The following DUSP16 variants were observed in gnomAD, a reference collection of about 807,000 sequenced individuals.
The protein encoded by DUSP16 is dual specificity phosphatase 16.
Under a neutral mutation model 58.3 loss-of-function variants are expected in DUSP16, and 21 were observed. The observed-to-expected ratio is 0.36, with a 90% CI of 0.26 to 0.52. DUSP16 has a LOEUF of 0.52. Among genes scored for constraint, DUSP16 ranks in the 20% least tolerant of loss-of-function variants. DUSP16 has a pLI of 0.94. For synonymous variants in DUSP16, 320 were observed against 323.8 expected (o/e 0.99, Z 0.12); for missense variants, 726 against 819.0 (o/e 0.89, Z 1.39).
Position 12,487,128 on chromosome 12 carries a change from C to G in DUSP16, c.591G>C (p.Lys197Asn). 6.2e-7 allele frequency: 1 copy of G among 1,614,182 alleles called. No individual in the cohort carries two copies. The highest frequency in any genetic ancestry group is 8.5e-7 in the Non-Finnish European group (1 of 1,180,014). The change falls in exon 5 of 7, where the codon AAG becomes AAC. Residue 197 changes from lysine to asparagine, a missense_variant. Coordinates refer to ENST00000298573, the MANE Select transcript of DUSP16 (RefSeq NM_030640.3). The part of the protein sequence containing the change: ...YVLNASNTCP[K>N]PDFIPESHFL... ...AATGAGACTCGGGGATAAAGTCAGG[C>G]TTTGGACAGGTATTGCTGGCATTTA...
intron 3 of DUSP16, among the ~76,000 whole-genome samples, chr12:12,511,607 C>T (rs767043485): frequency 1.3e-5 from 2 of 152,178 alleles, no homozygotes; most frequent in South Asian, 2.1e-4. Context: ...TCTTCCCTGA[C>T]TTCTGCAGAC....
chr12:12,506,930 A>T (rs1392622687), intron 3 of DUSP16, among the ~76,000 whole-genome samples: 1 of 152,238 alleles, frequency 6.6e-6, no homozygotes, highest in African/African-American at 2.4e-5. Flanking sequence ...TCATTTAGAT[A>T]ACACCTTCTC....
chr12:12,557,172 C>T (rs1262484509), intron 1 of DUSP16, among the ~76,000 whole-genome samples: 1 of 152,004 alleles, frequency 6.6e-6, no homozygotes, highest in Admixed American at 6.6e-5. Context: ...TTTAAAGTTT[C>T]TGGCCGGGTG....
chr12:12,485,071 G>A (rs974618132), intron 5 of DUSP16, among the ~76,000 whole-genome samples: 7 of 150,090 alleles, frequency 4.7e-5, no homozygotes, highest in East Asian at 3.9e-4. Context: ...GTGCAGTGGC[G>A]CGATCTTGGC....
chr12:12,488,975 A>C (rs1310512273), intron 4 of DUSP16, among the ~76,000 whole-genome samples: 1 of 152,166 alleles, frequency 6.6e-6, no homozygotes, highest in African/African-American at 2.4e-5. Context: ...GCTACTCGGG[A>C]AAGTTGAGGC....
At position 12,474,705 on chromosome 12, in the gene DUSP16, A is replaced by C. The variant is rs1469553779; in HGVS notation, c.*2128T>G. 2 of 152,228 alleles carry C rather than the reference A, an allele frequency of 1.3e-5. No homozygotes were observed. The highest frequency in any genetic ancestry group is 2.4e-5 in the African/African-American group (1 of 41,442). The allele number at this position is 152,228 out of a possible 1,614,324, so 9.4% of individuals were successfully genotyped here. On this transcript the variant is annotated 3_prime_UTR_variant, in exon 7 of 7. Transcript: ENST00000298573. ...GGCCAAGAGAAGCCCTAAATGACAG[A>C]AGCTCATTAAAACCAAGTCCCCCAA... is the stretch of plus-strand genomic sequence containing the variant.
intron 1 of DUSP16, among the ~76,000 whole-genome samples, chr12:12,561,653 G>A (rs546257721): frequency 6.6e-6 from 1 of 152,216 alleles, no homozygotes; most frequent in African/African-American, 2.4e-5. Flanking sequence ...CACCAAAGGC[G>A]AACTGGGGAT....
At chr12:12,491,109 A>G (rs1462233224) in intron 4 of DUSP16, 1 of 152,186 alleles carries the variant, frequency 6.6e-6, no homozygotes, top group Non-Finnish European at 1.5e-5. Context: ...GTCAGTTAAG[A>G]AAGTTTCTAA....
chr12:12,520,491 A>T (rs1335728138), intron 2 of DUSP16, among the ~76,000 whole-genome samples: 3 of 152,226 alleles, frequency 2.0e-5, no homozygotes, highest in Non-Finnish European at 4.4e-5. Flanking sequence ...CAATGTTACC[A>T]CATGTGTTAT....
rs574426736 is a variant in DUSP16, at chr12:12,548,180, A to G, written c.-366+13937T>C. On this transcript the variant is annotated intron_variant, in intron 1 of 6. Transcript: ENST00000298573. ...AACTCAACAACAAAAAACTCAAATA[A>G]TCCAATTTTTAAATGGGCAAAGGAC... 3.3e-5 allele frequency among the ~76,000 whole-genome samples: 5 copies of G among 149,616 alleles called. No homozygotes were observed. In the South Asian group the frequency reaches 1.1e-3, roughly 32 times the overall value.
At chr12:12,496,106 C>A (rs1284329836) in intron 4 of DUSP16, among the ~76,000 whole-genome samples, 1 of 152,232 alleles carries the variant, frequency 6.6e-6, no homozygotes, top group African/African-American at 2.4e-5. Context: ...TCTCAACCAT[C>A]ATGCCGTGCT....
intron 1 of DUSP16, among the ~76,000 whole-genome samples, chr12:12,552,790 CT>C (rs956646196): frequency 6.6e-6 from 1 of 151,602 alleles, no homozygotes; most frequent in African/African-American, 2.4e-5. Context: ...GTTTTTTCTT[CT>C]TTTTTTTGAG....
chr12:12,483,353 T>C (rs546911805), intron 5 of DUSP16, among the ~76,000 whole-genome samples: 1 of 152,198 alleles, frequency 6.6e-6, no homozygotes, highest in Non-Finnish European at 1.5e-5. Flanking sequence ...CAATGGACAT[T>C]ATCTATTTTA....
intron 1 of DUSP16, among the ~76,000 whole-genome samples, chr12:12,536,890 T>C (rs1944473190): frequency 6.6e-6 from 1 of 151,988 alleles, no homozygotes; most frequent in Non-Finnish European, 1.5e-5. Flanking sequence ...AACACAAAAA[T>C]TAGCCAGGCA....
intron 3 of DUSP16, among the ~76,000 whole-genome samples, chr12:12,504,876 CA>C (rs1943969119): frequency 6.6e-6 from 1 of 151,690 alleles, no homozygotes. Flanking sequence ...GACCCTGTCT[CA>C]AAAAAATACA....
intron 1 of DUSP16, among the ~76,000 whole-genome samples, chr12:12,554,196 C>CAAAAAA (rs59499569): frequency 4.5e-5 from 3 of 66,138 alleles, no homozygotes; most frequent in African/African-American, 1.1e-4. Flanking sequence ...AACTGGGTCT[C>CAAAAAA]AAAAAAAAAA....
rs1234693921 is a variant in DUSP16, at chr12:12,477,238, A to G, written c.1593T>C (p.Ser531=). 2.5e-6 allele frequency: 4 copies of G among 1,614,254 alleles called. No homozygotes were observed. The highest frequency in any genetic ancestry group is 2.2e-5 in the South Asian group (2 of 91,090). ...LSTSQQHLTK[S]AGLGLKGWHS... is the part of the protein sequence containing the mutation. The stretch of plus-strand genomic sequence containing the variant: ...GCCAGCCCTTAAGGCCCAGGCCAGC[A>G]GACTTCGTGAGGTGCTGCTGGCTGG... Residue 531 remains serine, a synonymous_variant, in exon 7 of 7, where the codon TCT becomes TCC. Transcript: ENST00000298573. The surrounding 1 kb of genome is among the most constrained non-coding windows in gnomAD (Gnocchi z 4.1).
chr12:12,483,116 C>G (rs931931760), intron 5 of DUSP16, among the ~76,000 whole-genome samples: 1 of 151,980 alleles, frequency 6.6e-6, no homozygotes, highest in Non-Finnish European at 1.5e-5. Context: ...TGGCCATTAC[C>G]GCAATTAAGG....
intron 3 of DUSP16, among the ~76,000 whole-genome samples, chr12:12,509,921 G>A (rs898618322): frequency 7.9e-5 from 12 of 152,098 alleles, no homozygotes; most frequent in African/African-American, 2.9e-4. Flanking sequence ...CAGGGTGAGT[G>A]AGGAGGCACA....
Sources: gnomAD v4.1 joint callset for allele counts (sites outside exome capture counted in the v4.1 genomes callset) on GRCh38, gnomAD v4.1.1 for gene constraint, Gnocchi (gnomAD v3.1) non-coding constraint, MANE v1.5 for transcripts, NCBI Gene and HGNC (gene_info 2026-07-23, HGNC 2026-07-21) for gene names.